The following TDRKH variants were observed in gnomAD, a reference collection of about 807,000 sequenced individuals.
TDRKH encodes tudor and KH domain containing.
A neutral mutation model predicts 61.3 loss-of-function variants in TDRKH; 28 were observed. The ratio of observed to expected loss-of-function variants is 0.46; its 90% CI spans 0.34 to 0.63. The LOEUF (loss-of-function observed/expected upper bound fraction) is 0.63. TDRKH is among the 20% of genes least tolerant of loss of function. TDRKH has a pLI of 0.01. For synonymous variants in TDRKH, 219 were observed against 244.4 expected (o/e 0.90, Z 0.97); for missense variants, 540 against 683.4 (o/e 0.79, Z 2.34).
chr1:151,781,082 G>C (rs1459561679), intron 3 of TDRKH, among the ~76,000 whole-genome samples: 1 of 151,452 alleles, frequency 6.6e-6, no homozygotes, highest in Non-Finnish European at 1.5e-5. Flanking sequence ...CTGGGAGGCC[G>C]AGGCAGGCGG....
intron 4 of TDRKH, 69 bp from the exon 5 acceptor site, chr1:151,779,311 G>T (rs1649519581): frequency 1.3e-6 from 2 of 1,565,736 alleles, no homozygotes; most frequent in Non-Finnish European, 8.6e-7. Context: ...AGAAATCACT[G>T]TTTTGTATAT....
intron 2 of TDRKH, among the ~76,000 whole-genome samples, chr1:151,782,244 C>T (rs959424952): frequency 1.3e-5 from 2 of 151,958 alleles, no homozygotes. Flanking sequence ...AGGTGGATCA[C>T]TTGAGGTCAG....
chr1:151,767,255 A>G (rs780407346), downstream of TDRKH: 8 of 1,614,032 alleles, frequency 5.0e-6, no homozygotes, highest in Admixed American at 1.2e-4. Flanking sequence ...GGAGGGCAAA[A>G]GCACCGAGCA....
chr1:151,769,816 C>T (rs1265932892), downstream of TDRKH, among the ~76,000 whole-genome samples: 1 of 152,260 alleles, frequency 6.6e-6, no homozygotes, highest in African/African-American at 2.4e-5. Context: ...GCTCCGTCTG[C>T]AATCCCGGCA....
At position 151,773,722 on chromosome 1, in the gene TDRKH, C is replaced by CA. The variant is rs1403093068; in HGVS notation, c.*729dup. ...AAGCCTGTCTCCAATAACATATCAGCAATTGAGGCTGGGAGGCAGTATTCT... is the reference window on the plus strand; with the variant it reads ...AAGCCTGTCTCCAATAACATATCAGCAAATTGAGGCTGGGAGGCAGTATTCT... On this transcript the variant is annotated 3_prime_UTR_variant, in exon 13 of 13. Coordinates refer to ENST00000368824, the MANE Select transcript of TDRKH (RefSeq NM_001083965.2). 1 of 152,180 alleles carries CA rather than the reference C, an allele frequency of 6.6e-6. No individual in the cohort carries two copies. The highest frequency in any genetic ancestry group is 1.5e-5 in the Non-Finnish European group (1 of 68,038). The allele number at this position is 152,180 out of a possible 1,614,324, so 9.4% of individuals were successfully genotyped here. A position where few individuals can be genotyped will look rare whatever the true frequency, so the allele number is the denominator to read the frequency against.
chr1:151,774,851 TAGGAAAAA>T, intron 11 of TDRKH, 45 bp from the exon 12 acceptor site: 1 of 1,603,956 alleles, frequency 6.2e-7, no homozygotes, highest in Non-Finnish European at 8.5e-7. Flanking sequence ...TGTTGGCTTT[TAGGAAAAA>T]AGAGGCCACC....
In TDRKH at chr1:151,774,508, T is replaced by C. The variant is rs201160916; in HGVS notation, c.1634-4A>G. 5.9e-5 allele frequency: 95 copies of C among 1,614,136 alleles called. No individual in the cohort carries two copies. The highest frequency in any genetic ancestry group is 5.6e-4 in the East Asian group (25 of 44,884). On this transcript the variant is annotated splice_region_variant and splice_polypyrimidine_tract_variant and intron_variant, in intron 12 of 12. Transcript: ENST00000368824. The stretch of plus-strand genomic sequence containing the variant: ...TCACCAGACATGGAAGCAGCTTCTA[T>C]TGAAGATAAATAAGAAGGAGAAAGT...
chr1:151,778,103 C>G (rs781368828), intron 6 of TDRKH, among the ~76,000 whole-genome samples: 1 of 152,174 alleles, frequency 6.6e-6, no homozygotes, highest in Middle Eastern at 3.4e-3. Flanking sequence ...TCTTTCCCAC[C>G]CTGTCTATTT....
chr1:151,767,494 TG>T (rs1356487803), downstream of TDRKH: 5 of 1,189,896 alleles, frequency 4.2e-6, no homozygotes, highest in Non-Finnish European at 4.4e-6. Context: ...CAGATGGTAG[TG>T]AAAATCAGGA....
In TDRKH at chr1:151,774,786, A is replaced by G; in HGVS notation, c.1557T>C (p.Ser519=). The G allele has an allele frequency of 6.2e-7, 1 of 1,614,194 alleles. No homozygotes were observed. The highest frequency in any genetic ancestry group is 8.5e-7 in the Non-Finnish European group (1 of 1,180,024). ...TGGTCTCAGTGAGCAACGTGCTGAG[A>G]GAGGCATCTGTTTCTGTGGCCTGAG... ...LKDMATETDA[S]LSTLLTETKK... The change falls in exon 12 of 13, where the codon TCT becomes TCC. Residue 519 remains serine (S), a synonymous_variant. Coordinates refer to ENST00000368824, the MANE Select transcript of TDRKH (RefSeq NM_001083965.2).
chr1:151,788,626 A>C (rs940190880), intron 1 of TDRKH, among the ~76,000 whole-genome samples: 1 of 152,204 alleles, frequency 6.6e-6, no homozygotes, highest in African/African-American at 2.4e-5. Flanking sequence ...AACTGCGGCT[A>C]AGGGATAGAA....
intron 1 of TDRKH, among the ~76,000 whole-genome samples, chr1:151,785,069 C>A (rs1650192149): frequency 6.6e-6 from 1 of 151,906 alleles, no homozygotes; most frequent in South Asian, 2.1e-4. Flanking sequence ...GTAGCTGAGA[C>A]TACAGGTGCA....
At chr1:151,772,357 G>A (rs541703384), downstream of TDRKH, among the ~76,000 whole-genome samples, 30 of 152,230 alleles carry the variant, frequency 2.0e-4, no homozygotes, top group African/African-American at 7.0e-4. Flanking sequence ...CTCCCAAAGT[G>A]TTGGGATTAT....
intron 12 of TDRKH, 82 bp downstream of exon 12, chr1:151,774,627 TC>T (rs1248270972): frequency 3.2e-6 from 5 of 1,587,252 alleles, no homozygotes; most frequent in Non-Finnish European, 4.3e-6. Flanking sequence ...AACCAAGCCT[TC>T]AATTAACCTC....
downstream of TDRKH, chr1:151,770,089 GGGAGACCATGGGGAGAC>G (rs1237750238): frequency 6.3e-7 from 1 of 1,582,062 alleles, no homozygotes; most frequent in Non-Finnish European, 8.6e-7. Context: ...GAGAGGGAGA[GGGAGACCATGGGGAGAC>G]GGAGACGGAG....
chr1:151,781,382 C>T, intron 3 of TDRKH, 99 bp downstream of exon 3: 1 of 712,218 alleles, frequency 1.4e-6, no homozygotes, highest in Non-Finnish European at 2.4e-6. Flanking sequence ...ACACACAGAG[C>T]ATGTGAATGT....
chr1:151,774,392 A>G lies in TDRKH; in HGVS notation c.*60T>C. ...CCTCATTACTTTCCTGTTGCTACAGATAGATGATAGCTGCACTCACACAGC... is the reference window on the plus strand; with the variant it reads ...CCTCATTACTTTCCTGTTGCTACAGGTAGATGATAGCTGCACTCACACAGC... On this transcript the variant is annotated 3_prime_UTR_variant, in exon 13 of 13. Coordinates refer to ENST00000368824, the MANE Select transcript of TDRKH (RefSeq NM_001083965.2). 1 of 1,582,044 alleles carries G rather than the reference A, an allele frequency of 6.3e-7. No individual in the cohort carries two copies. The highest frequency in any genetic ancestry group is 8.7e-7 in the Non-Finnish European group (1 of 1,155,962).
chr1:151,782,054 G>C (rs902802100), intron 2 of TDRKH: 1 of 440,498 alleles, frequency 2.3e-6, no homozygotes, highest in African/African-American at 2.1e-5. Context: ...AAAAAGATGA[G>C]TATAGAAATT....
chr1:151,774,754 C>T lies in TDRKH; in HGVS notation c.1589G>A (p.Ser530Asn). 1 of 1,614,190 alleles carries T rather than the reference C, an allele frequency of 6.2e-7. No homozygotes were observed. Among genetic ancestry groups the T allele is most frequent in the South Asian group, 1.1e-5 (1 of 91,086 alleles). ...LSTLLTETKK[S>N]SGEITHTLSC... is the part of the protein sequence containing the mutation. ...CAGGGTATGTGTTATCTCTCCAGAGCTCTTTTTGGTCTCAGTGAGCAACGT... is the reference window on the plus strand; with the variant it reads ...CAGGGTATGTGTTATCTCTCCAGAGTTCTTTTTGGTCTCAGTGAGCAACGT... The change falls in exon 12 of 13, where the codon AGC (serine) becomes AAC (asparagine). Residue 530 changes from serine to asparagine, a missense_variant. By Grantham distance (46) the Ser-to-Asn change is conservative. Coordinates refer to ENST00000368824, the MANE Select transcript of TDRKH (RefSeq NM_001083965.2).
Sources: gnomAD v4.1 joint callset for allele counts (sites outside exome capture counted in the v4.1 genomes callset) on GRCh38, gnomAD v4.1.1 for gene constraint, MANE v1.5 for transcripts, NCBI Gene and HGNC (gene_info 2026-07-23, HGNC 2026-07-21) for gene names.